LILRA1: variants seen among roughly 807,000 people sequenced by gnomAD.
The protein encoded by LILRA1 is leukocyte immunoglobulin like receptor A1, also known as leukocyte immunoglobulin-like receptor subfamily A member 1.
LILRA1 carries 51 observed loss-of-function variants against 51.6 expected under a neutral mutation model. The ratio of observed to expected loss-of-function variants is 0.99; its 90% confidence interval spans 0.79 to 1.25. LILRA1 has a LOEUF of 1.25. Ranked by LOEUF, LILRA1 falls within the 50% of genes most tolerant of loss-of-function variation. The pLI is 0.00. For synonymous variants in LILRA1, 305 were observed against 248.4 expected, an observed-to-expected ratio of 1.23 and a Z score of -2.14; for missense variants, 660 against 611.7, an observed-to-expected ratio of 1.08 and a Z score of -0.83.
intron 4 of LILRA1, 66 bp downstream of exon 4, chr19:54,595,018 G>T: frequency 6.2e-7 from 1 of 1,603,446 alleles, no homozygotes; most frequent in Middle Eastern, 1.7e-4. Context: ...GTTCTCAGGG[G>T]CATCTCCCTC....
At chr19:54,595,445 T>C in intron 5 of LILRA1, 43 bp downstream of exon 5, 1 of 1,572,512 alleles carries the variant, frequency 6.4e-7, no homozygotes, top group Non-Finnish European at 8.6e-7. Flanking sequence ...TGAGTCTCCC[T>C]GAGTCTCCAG....
rs756390146 is a variant in LILRA1, at chr19:54,595,141, G to C, written c.400G>C (p.Val134Leu). Residue 134 changes from valine to leucine, a missense_variant, in exon 5 of 10, where the codon GTG becomes CTG. Transcript: ENST00000251372. ...KPTLSALPSP[V>L]VTSGGNVTLH... ...CACCCTCTCAGCTCTACCCAGCCCT[G>C]TGGTGACCTCAGGAGGGAACGTGAC... 1 of 1,614,130 alleles carries C rather than the reference G, an allele frequency of 6.2e-7. No homozygotes were observed. Among genetic ancestry groups the C allele is most frequent in the Non-Finnish European group, 8.5e-7 (1 of 1,179,990 alleles).
In LILRA1 at chr19:54,600,890, G is replaced by C. The variant is rs1191322265; in HGVS notation, c.*73G>C. On this transcript the variant is annotated 3_prime_UTR_variant, in exon 10 of 10. Coordinates refer to ENST00000251372, the MANE Select transcript of LILRA1 (RefSeq NM_006863.4). ...GTGGTGGAGCCTTGGGAACAGATCT[G>C]ATGATGCCAGGAGGTTCCGGGAGAC... 1 of 1,553,874 alleles carries C rather than the reference G, an allele frequency of 6.4e-7. No homozygotes were observed. Among genetic ancestry groups the C allele is most frequent in the African/African-American group, 1.4e-5 (1 of 73,846 alleles).
intron 6 of LILRA1, 69 bp downstream of exon 6, chr19:54,596,004 G>A (rs2063042928): frequency 6.4e-7 from 1 of 1,564,148 alleles, no homozygotes; most frequent in African/African-American, 1.4e-5. Flanking sequence ...AGCCCAGGTG[G>A]TGATGGCCGG....
intron 7 of LILRA1, among the ~76,000 whole-genome samples, chr19:54,598,277 T>C (rs117402046): frequency 0.035 from 5,347 of 152,282 alleles, 117 homozygotes; most frequent in South Asian, 0.055. Context: ...AACATTTAAT[T>C]TTACTTTGCC....
chr19:54,602,262 T>C lies in LILRA1; in HGVS notation c.*1445T>C, dbSNP rs1386786440. ...TACCCTCTAGAGTAAACAAATCTTA[T>C]CATTCGCCATCTACCCTCTAGAATA... On this transcript the variant is annotated 3_prime_UTR_variant, in exon 10 of 10. Transcript: ENST00000251372. 6.6e-6 allele frequency among the ~76,000 whole-genome samples: 1 copy of C among 152,032 alleles called. No homozygotes were observed. The highest frequency in any genetic ancestry group is 2.4e-5 in the African/African-American group (1 of 41,406).
chr19:54,593,761 G>T lies in LILRA1; in HGVS notation c.-69G>T. 1.8e-6 allele frequency: 2 copies of T among 1,126,034 alleles called. No homozygotes were observed. Among genetic ancestry groups the T allele is most frequent in the Non-Finnish European group, 2.4e-6 (2 of 825,366 alleles). 69.8% of individuals were successfully genotyped at this position (1,126,034 alleles called of 1,614,324 possible). On this transcript the variant is annotated 5_prime_UTR_variant, in exon 1 of 10. Coordinates refer to ENST00000251372, the MANE Select transcript of LILRA1 (RefSeq NM_006863.4). ...TGGTCTTCCCTGAAGCATCTCCAGG[G>T]CTGGAGGGACGACTGCCATGGTAAG...
intron 8 of LILRA1, chr19:54,599,686 C>A: frequency 2.9e-6 from 2 of 678,810 alleles, no homozygotes; most frequent in Non-Finnish European, 3.8e-6. Flanking sequence ...TATGTTACTA[C>A]ATCTTAAATA....
At position 54,595,805 on chromosome 19, in the gene LILRA1, G is replaced by A; in HGVS notation, c.828G>A (p.Gly276=). Residue 276 remains glycine (G), a synonymous_variant, in exon 6 of 10, where the codon GGG becomes GGA. Transcript: ENST00000251372. ...LQLPGPQPQA[G]LSQANFTLGP... ...TCCCTGGCCCACAGCCCCAGGCTGG[G>A]CTCTCCCAGGCCAACTTCACCCTGG... 6.2e-7 allele frequency: 1 copy of A among 1,614,186 alleles called. No homozygotes were observed. The highest frequency in any genetic ancestry group is 8.5e-7 in the Non-Finnish European group (1 of 1,180,006).
Position 54,601,220 on chromosome 19 carries a change from C to T in LILRA1, c.*403C>T, listed in dbSNP as rs2063156167. The T allele has an allele frequency of 4.5e-6, 1 of 222,932 alleles. No homozygotes were observed. The highest frequency in any genetic ancestry group is 8.9e-6 in the Non-Finnish European group (1 of 112,166). The allele number at this position is 222,932 out of a possible 1,614,324, so 13.8% of individuals were successfully genotyped here. A position where few individuals can be genotyped will look rare whatever the true frequency, so the allele number is the denominator to read the frequency against. On this transcript the variant is annotated 3_prime_UTR_variant, in exon 10 of 10. Coordinates refer to ENST00000251372, the MANE Select transcript of LILRA1 (RefSeq NM_006863.4). ...TTGCCATACTCCCTGGTGTGCTTTA[C>T]TGAGCCTCCATCTCTTCAATTCAGA...
At position 54,596,400 on chromosome 19, in the gene LILRA1, C is replaced by A. The variant is rs201246452; in HGVS notation, c.1170C>A (p.Ala390=). The A allele has an allele frequency of 1.4e-4, 231 of 1,613,946 alleles. No homozygotes were observed. The highest frequency in any genetic ancestry group is 1.9e-4 in the Non-Finnish European group (226 of 1,180,022). ...TCCCTATGAGTCCTGTGACCTCAGC[C>A]CACTCGGGGACCTACAGGTGCTACG... ...AEFPMSPVTS[A]HSGTYRCYGS... is the part of the protein sequence containing the mutation. The change falls in exon 7 of 10, where the codon GCC becomes GCA. Residue 390 remains alanine, a synonymous_variant. Transcript: ENST00000251372.
Position 54,599,451 on chromosome 19 carries a change from T to C in LILRA1, c.1312+165T>C, listed in dbSNP as rs1348471134. On this transcript the variant is annotated intron_variant, in intron 8 of 9. Coordinates refer to ENST00000251372, the MANE Select transcript of LILRA1 (RefSeq NM_006863.4). ...TTATAAGTGAAGTATTTCATTCCTT[T>C]ACATTTTTAAAATAAGAGATAACTA... 1.1e-5 allele frequency: 14 copies of C among 1,282,648 alleles called. No homozygotes were observed. The South Asian group carries it at 1.9e-4, about 18-fold the overall frequency. The allele number at this position is 1,282,648 out of a possible 1,614,324, so 79.5% of individuals were successfully genotyped here. A position where few individuals can be genotyped will look rare whatever the true frequency, so the allele number is the denominator to read the frequency against.
rs1160219490 is a variant in LILRA1, at chr19:54,596,441, AC to A, written c.1215del (p.Tyr406ThrfsTer62). ...TYRCYGSLSS[N>X]PYLLSHPSDS... ...AGGTGCTACGGCTCACTCAGCTCCA[AC>A]CCCTACCTGCTGTCTCACCCCAGTG... On this transcript the variant is annotated frameshift_variant, in exon 7 of 10. Transcript: ENST00000251372. LOFTEE classifies it high-confidence loss of function. The A allele has an allele frequency of 2.0e-5, 33 of 1,613,888 alleles. No individual in the cohort carries two copies. Among genetic ancestry groups the A allele is most frequent in the Non-Finnish European group, 2.6e-5 (31 of 1,179,954 alleles).
At position 54,596,405 on chromosome 19, in the gene LILRA1, C is replaced by T. The variant is rs147887088; in HGVS notation, c.1175C>T (p.Ser392Leu). The T allele has an allele frequency of 4.3e-4, 692 of 1,613,944 alleles. No homozygotes were observed. The highest frequency in any genetic ancestry group is 5.3e-4 in the Non-Finnish European group (622 of 1,179,968). Residue 392 changes from serine (S) to leucine (L), a missense_variant, in exon 7 of 10, where the codon TCG (serine) becomes TTG (leucine). Coordinates refer to ENST00000251372, the MANE Select transcript of LILRA1 (RefSeq NM_006863.4). ...ATGAGTCCTGTGACCTCAGCCCACT[C>T]GGGGACCTACAGGTGCTACGGCTCA... ...FPMSPVTSAH[S>L]GTYRCYGSLS...
intron 7 of LILRA1, 76 bp downstream of exon 7, chr19:54,596,567 C>A: frequency 1.3e-6 from 2 of 1,579,760 alleles, no homozygotes; most frequent in Non-Finnish European, 1.7e-6. Context: ...GCTCTGGACA[C>A]TAAGAAAAGA....
Position 54,594,942 on chromosome 19 carries a change from G to C in LILRA1, c.348G>C (p.Leu116=). ...GWSEPSDPLE[L]VVTGAYIKPT... ...CAGAGCCCAGTGACCCCCTGGAGCT[G>C]GTGGTGACAGGTGAGCTGACACTGA... The change falls in exon 4 of 10, where the codon CTG becomes CTC. Residue 116 remains leucine, a synonymous_variant. Transcript: ENST00000251372. 1 of 1,613,916 alleles carries C rather than the reference G, an allele frequency of 6.2e-7. No homozygotes were observed. The highest frequency in any genetic ancestry group is 8.5e-7 in the Non-Finnish European group (1 of 1,179,910).
intron 7 of LILRA1, among the ~76,000 whole-genome samples, chr19:54,597,078 C>T (rs966126147): frequency 6.6e-6 from 1 of 152,240 alleles, no homozygotes; most frequent in African/African-American, 2.4e-5. Context: ...AGAGGCCCCA[C>T]CTGCTCCCCT....
chr19:54,596,011 C>G (rs2063043222), intron 6 of LILRA1, 76 bp downstream of exon 6: 11 of 1,571,152 alleles, frequency 7.0e-6, no homozygotes, highest in African/African-American at 1.4e-5. Context: ...GTGGTGATGG[C>G]CGGAATGAGG....
At position 54,594,964 on chromosome 19, in the gene LILRA1, C is replaced by A. The variant is rs1335234941; in HGVS notation, c.358+12C>A. 2 of 1,613,442 alleles carry A rather than the reference C, an allele frequency of 1.2e-6. No homozygotes were observed. The highest frequency in any genetic ancestry group is 1.7e-6 in the Non-Finnish European group (2 of 1,179,632). ...GCTGGTGGTGACAGGTGAGCTGACACTGAGGGCTCCCAGCCCCAGGCTCTG... is the reference window on the plus strand; with the variant it reads ...GCTGGTGGTGACAGGTGAGCTGACAATGAGGGCTCCCAGCCCCAGGCTCTG... On this transcript the variant is annotated intron_variant, in intron 4 of 9. Coordinates refer to ENST00000251372, the MANE Select transcript of LILRA1 (RefSeq NM_006863.4).
Sources: gnomAD v4.1 joint callset for allele counts (sites outside exome capture counted in the v4.1 genomes callset) on GRCh38, gnomAD v4.1.1 for gene constraint, MANE v1.5 for transcripts, NCBI Gene and HGNC (gene_info 2026-07-23, HGNC 2026-07-21) for gene names.